Variants in FRMPD4 observed in about 807,000 individuals in gnomAD.
FRMPD4 encodes FERM and PDZ domain-containing protein 4.
In FRMPD4, 22 loss-of-function variants were observed where a neutral mutation model predicts 94.1. The observed-to-expected ratio is 0.23, with a 90% CI of 0.17 to 0.33. FRMPD4 has a LOEUF of 0.33. Ranked by LOEUF, FRMPD4 falls within the 10% of genes least tolerant of loss-of-function variation. The pLI, the probability that FRMPD4 is intolerant of heterozygous loss-of-function variation, is 1.00. For synonymous variants in FRMPD4, 631 were observed against 548.6 expected (o/e 1.15, Z -2.10); for missense variants, 1,111 against 1,339.9 (o/e 0.83, Z 2.67).
chrX:12,564,048 C>A (rs2058686290), intron 2 of FRMPD4, among the ~76,000 whole-genome samples: 1 of 112,110 alleles, frequency 8.9e-6, no homozygotes, highest in Middle Eastern at 4.2e-3. Flanking sequence ...GAGGGCCTGC[C>A]TCCTGGTTTG....
chrX:12,234,917 T>A (rs951988215), intron 1 of FRMPD4, among the ~76,000 whole-genome samples: 3 of 112,154 alleles, frequency 2.7e-5, no homozygotes, highest in African/African-American at 9.7e-5. Flanking sequence ...TTTTTTCTTG[T>A]ACTGTCAGCA....
intron 1 of FRMPD4, among the ~76,000 whole-genome samples, chrX:12,221,401 G>A (rs1056744002): frequency 2.7e-5 from 3 of 112,145 alleles, no homozygotes; most frequent in Middle Eastern, 9.3e-3. Flanking sequence ...TGTCTACCAC[G>A]GGCTTACCAT....
intron 1 of FRMPD4, among the ~76,000 whole-genome samples, chrX:12,286,167 A>G (rs2054596828): frequency 8.9e-6 from 1 of 112,306 alleles, no homozygotes; most frequent in African/African-American, 3.2e-5. Context: ...AAACATACAC[A>G]CATGCACACA....
chrX:12,643,159 A>T lies in FRMPD4; in HGVS notation c.422+28278A>T, dbSNP rs757275726. On this transcript the variant is annotated intron_variant, in intron 4 of 16. Coordinates refer to ENST00000675598, the MANE Select transcript of FRMPD4 (RefSeq NM_001368397.1). Reference sequence around the variant, plus strand: ...ATAATTCAGTTTTTTTTTTTTTGAGATGGAATCTCACTCTGTTGCCCAGGC... The same window carrying T: ...ATAATTCAGTTTTTTTTTTTTTGAGTTGGAATCTCACTCTGTTGCCCAGGC... Among the ~76,000 whole-genome samples, 22 of 106,947 alleles carry T rather than the reference A, an allele frequency of 2.1e-4. No homozygotes were observed. The East Asian group carries it at 4.1e-3, about 20-fold the overall frequency. 92.9% of individuals were successfully genotyped at this position (106,947 alleles called of 115,157 possible).
At chrX:12,195,373 G>A (rs2056554631) in intron 1 of FRMPD4, among the ~76,000 whole-genome samples, 1 of 111,541 alleles carries the variant, frequency 9.0e-6, no homozygotes, top group Non-Finnish European at 1.9e-5. Flanking sequence ...ACAGCTACAC[G>A]GCAAGGATAC....
chrX:12,445,334 A>G (rs1467272999), intron 1 of FRMPD4, among the ~76,000 whole-genome samples: 1 of 112,484 alleles, frequency 8.9e-6, no homozygotes, highest in Non-Finnish European at 1.9e-5. Context: ...GACGTAGAGC[A>G]TTCTGTGCTA....
At chrX:12,693,516 G>A (rs752671744) in intron 8 of FRMPD4, among the ~76,000 whole-genome samples, 1 of 111,918 alleles carries the variant, frequency 8.9e-6, no homozygotes, top group Admixed American at 9.4e-5. Context: ...AAGCTCCATT[G>A]AGCAAGTGGA....
In FRMPD4 at chrX:11,852,221, A is replaced by G. The variant is rs147007729; in HGVS notation, c.-160-12865A>G. ...TGCTTACTAACATCTGGGCCACACAATCTTCTATTTAGGAACTACTTATGT... is the reference window on the plus strand; with the variant it reads ...TGCTTACTAACATCTGGGCCACACAGTCTTCTATTTAGGAACTACTTATGT... On this transcript the variant is annotated intron_variant, in intron 1 of 18. Coordinates refer to the FRMPD4 transcript ENST00000640291. 1.1e-3 allele frequency among the ~76,000 whole-genome samples: 117 copies of G among 110,086 alleles called. 1 individual carries two copies. The highest frequency in any genetic ancestry group is 3.2e-3 in the African/African-American group (96 of 30,272).
chrX:12,511,158 C>T (rs1466961965), intron 2 of FRMPD4, among the ~76,000 whole-genome samples: 1 of 111,592 alleles, frequency 9.0e-6, no homozygotes, highest in Non-Finnish European at 1.9e-5. Context: ...CAAAGTCAGA[C>T]TATAAAGACT....
At chrX:12,624,878 A>G (rs1174962830) in intron 4 of FRMPD4, among the ~76,000 whole-genome samples, 1 of 110,513 alleles carries the variant, frequency 9.0e-6, no homozygotes, top group South Asian at 3.7e-4. Flanking sequence ...ATATTTGCAA[A>G]CTATTCATCT....
At chrX:11,890,225 G>C (rs1361057234) in intron 3 of FRMPD4, among the ~76,000 whole-genome samples, 1 of 112,356 alleles carries the variant, frequency 8.9e-6, no homozygotes, top group Non-Finnish European at 1.9e-5. Flanking sequence ...TTTGTTTAAG[G>C]TACCACAGCT....
chrX:12,386,296 G>C (rs1203162937), intron 1 of FRMPD4, among the ~76,000 whole-genome samples: 1 of 112,518 alleles, frequency 8.9e-6, no homozygotes, highest in Non-Finnish European at 1.9e-5. Flanking sequence ...ACATGATAGA[G>C]AAAAGCTTGG....
At chrX:12,194,984 A>G (rs1396869809) in intron 1 of FRMPD4, among the ~76,000 whole-genome samples, 1 of 112,000 alleles carries the variant, frequency 8.9e-6, no homozygotes, top group Non-Finnish European at 1.9e-5. Context: ...CTTTCTTTTT[A>G]TGTCATTTGA....
At chrX:12,431,652 C>T (rs1038613758) in intron 1 of FRMPD4, among the ~76,000 whole-genome samples, 1 of 111,976 alleles carries the variant, frequency 8.9e-6, no homozygotes, top group African/African-American at 3.2e-5. Context: ...CCCTTTTCTC[C>T]TCACTCAGTG....
chrX:12,359,005 T>A lies in FRMPD4; in HGVS notation c.42-139675T>A, dbSNP rs752800987. On this transcript the variant is annotated intron_variant, in intron 1 of 16. Transcript: ENST00000675598. Reference sequence around the variant, plus strand: ...CTGAAGGGAAGCACTGTCTTTTTTTTTATATATTTAAACAAGGGTACAGAA... The same window carrying A: ...CTGAAGGGAAGCACTGTCTTTTTTTATATATATTTAAACAAGGGTACAGAA... Among the ~76,000 whole-genome samples, 42 of 112,266 alleles carry A rather than the reference T, an allele frequency of 3.7e-4. No homozygotes were observed. In the South Asian group the frequency reaches 5.6e-3, roughly 15 times the overall value.
At chrX:12,518,438 A>G (rs1257376276) in intron 2 of FRMPD4, among the ~76,000 whole-genome samples, 1 of 112,152 alleles carries the variant, frequency 8.9e-6, no homozygotes, top group Non-Finnish European at 1.9e-5. Flanking sequence ...TGATGCAAAA[A>G]TCCTCAAGAA....
At chrX:12,483,670 A>T (rs5934008) in intron 1 of FRMPD4, among the ~76,000 whole-genome samples, 40,468 of 110,510 alleles carry the variant, frequency 0.37, 7,229 homozygotes, top group African/African-American at 0.71. Flanking sequence ...ATTAGGAAAG[A>T]TCATTCACAA....
At chrX:12,391,104 T>C (rs1220321290) in intron 1 of FRMPD4, among the ~76,000 whole-genome samples, 1 of 111,984 alleles carries the variant, frequency 8.9e-6, no homozygotes, top group African/African-American at 3.3e-5. Context: ...GAACACTTAT[T>C]AAGAGAAACA....
At chrX:12,270,032 T>G (rs1246729719) in intron 1 of FRMPD4, among the ~76,000 whole-genome samples, 2 of 112,208 alleles carry the variant, frequency 1.8e-5, no homozygotes, top group Non-Finnish European at 3.8e-5. Context: ...TCTAATGCAC[T>G]GGTAGAAAAT....
Sources: gnomAD v4.1 joint callset for allele counts (sites outside exome capture counted in the v4.1 genomes callset) on GRCh38, gnomAD v4.1.1 for gene constraint, MANE v1.5 for transcripts, NCBI Gene and HGNC (gene_info 2026-07-23, HGNC 2026-07-21) for gene names.